RBFOX1: variants seen among roughly 807,000 people sequenced by gnomAD.
The protein encoded by RBFOX1 is RNA binding fox-1 homolog 1.
RBFOX1 carries 8 observed loss-of-function variants against 57.7 expected under a neutral mutation model. That is an observed-to-expected ratio of 0.14 (90% confidence interval 0.08 to 0.25). RBFOX1 has a LOEUF of 0.25. RBFOX1 is among the 10% of genes least tolerant of loss of function. The pLI is 1.00. For synonymous variants in RBFOX1, 326 were observed against 222.4 expected (o/e 1.47, Z -4.15); for missense variants, 611 against 548.5 (o/e 1.11, Z -1.14).
intron 3 of RBFOX1, among the ~76,000 whole-genome samples, chr16:6,680,975 C>G (rs1300939257): frequency 6.6e-6 from 1 of 152,064 alleles, no homozygotes; most frequent in Non-Finnish European, 1.5e-5. Flanking sequence ...TAACATAGTT[C>G]GTAGAAAACT....
intron 4 of RBFOX1, among the ~76,000 whole-genome samples, chr16:7,317,932 T>C (rs2096474687): frequency 6.6e-6 from 1 of 152,294 alleles, no homozygotes; most frequent in Admixed American, 6.5e-5. Flanking sequence ...AGGAGCTCAA[T>C]ACATACTTCT....
intron 4 of RBFOX1, among the ~76,000 whole-genome samples, chr16:7,317,430 A>T (rs570838518): frequency 6.6e-6 from 1 of 152,112 alleles, no homozygotes; most frequent in South Asian, 2.1e-4. Context: ...TACCATCACC[A>T]CCACTATCAC....
intron 3 of RBFOX1, among the ~76,000 whole-genome samples, chr16:6,953,032 A>T (rs368179805): frequency 6.6e-6 from 1 of 152,164 alleles, no homozygotes; most frequent in South Asian, 2.1e-4. Context: ...CTGGCAATGT[A>T]TATTAAGCAT....
chr16:7,510,052 C>T, intron 4 of RBFOX1: 1 of 698,452 alleles, frequency 1.4e-6, no homozygotes, highest in Non-Finnish European at 1.8e-6. Flanking sequence ...AGAGGAGGAG[C>T]AAGCTGTGAT....
chr16:7,120,571 C>G (rs192042086), intron 4 of RBFOX1, among the ~76,000 whole-genome samples: 5 of 151,714 alleles, frequency 3.3e-5, no homozygotes, highest in Non-Finnish European at 4.4e-5. Context: ...ATTACCAAAA[C>G]TTATTCAAAA....
chr16:7,583,252 A>C (rs2093914607), intron 6 of RBFOX1, among the ~76,000 whole-genome samples: 1 of 151,246 alleles, frequency 6.6e-6, no homozygotes, highest in African/African-American at 2.4e-5. Context: ...ATACCGGTTG[A>C]GGTTCAAGGG....
At chr16:7,500,467 C>G (rs952891753) in intron 4 of RBFOX1, among the ~76,000 whole-genome samples, 2 of 152,126 alleles carry the variant, frequency 1.3e-5, no homozygotes. Context: ...TCTTATTCCC[C>G]CATAAAAGTT....
At chr16:5,835,385 G>T (rs956892992) in intron 3 of RBFOX1, among the ~76,000 whole-genome samples, 1 of 152,238 alleles carries the variant, frequency 6.6e-6, no homozygotes, top group African/African-American at 2.4e-5. Flanking sequence ...GTAGAAAACG[G>T]TGCTACACAT....
chr16:5,891,430 C>A (rs971047061), intron 4 of RBFOX1, among the ~76,000 whole-genome samples: 4 of 152,226 alleles, frequency 2.6e-5, no homozygotes, highest in African/African-American at 9.6e-5. Flanking sequence ...TAATTTACAT[C>A]TTTTAATAAC....
intron 2 of RBFOX1, among the ~76,000 whole-genome samples, chr16:5,523,075 C>G (rs930527145): frequency 1.3e-5 from 2 of 152,082 alleles, no homozygotes; most frequent in African/African-American, 4.8e-5. Context: ...ATCACAAGGT[C>G]AGGAGTTCGA....
At chr16:5,454,958 C>CCTTT (rs1169954657) in intron 1 of RBFOX1, among the ~76,000 whole-genome samples, 1,108 of 30,296 alleles carry the variant, frequency 0.037, 72 homozygotes, top group Middle Eastern at 0.12. Flanking sequence ...TTCCTTCCTT[C>CCTTT]CTTTCTTTCT....
chr16:7,183,904 G>A (rs555622358), intron 4 of RBFOX1, among the ~76,000 whole-genome samples: 5 of 152,156 alleles, frequency 3.3e-5, no homozygotes, highest in Admixed American at 6.5e-5. Flanking sequence ...GTAGTTTAAA[G>A]GGGATAGATG....
rs1374796895 is a variant in RBFOX1, at chr16:5,946,608, G to A, written c.351+79273G>A. ...TATCCTTTACGATATACCGGTAATAGTAATTTCCTAAATTCTGTGAGCCGT... is the reference window on the plus strand; with the variant it reads ...TATCCTTTACGATATACCGGTAATAATAATTTCCTAAATTCTGTGAGCCGT... On this transcript the variant is annotated intron_variant, in intron 4 of 19. Coordinates refer to the RBFOX1 transcript ENST00000641259. The surrounding 1 kb of genome is among the most constrained non-coding windows in gnomAD (Gnocchi z 4.6). Among the ~76,000 whole-genome samples the A allele has an allele frequency of 6.6e-6, 1 of 152,126 alleles. No individual in the cohort carries two copies. Among genetic ancestry groups the A allele is most frequent in the Non-Finnish European group, 1.5e-5 (1 of 68,034 alleles).
chr16:6,179,427 C>T (rs1296208135), intron 1 of RBFOX1, among the ~76,000 whole-genome samples: 1 of 152,096 alleles, frequency 6.6e-6, no homozygotes, highest in Non-Finnish European at 1.5e-5. Flanking sequence ...TAGAAAAACT[C>T]GAAGTACTGG....
intron 1 of RBFOX1, among the ~76,000 whole-genome samples, chr16:5,300,911 T>C (rs560287742): frequency 7.2e-5 from 11 of 152,236 alleles, no homozygotes; most frequent in Non-Finnish European, 1.3e-4. Context: ...TTTGTGTGTT[T>C]CTTTCTGTCT....
At chr16:5,677,192 A>T (rs542748268) in intron 3 of RBFOX1, among the ~76,000 whole-genome samples, 1 of 152,196 alleles carries the variant, frequency 6.6e-6, no homozygotes, top group African/African-American at 2.4e-5. Context: ...CTCTTGCTCT[A>T]TCTTTCTAAA....
At chr16:5,458,920 A>C (rs1475291734) in intron 1 of RBFOX1, among the ~76,000 whole-genome samples, 2 of 152,216 alleles carry the variant, frequency 1.3e-5, no homozygotes, top group African/African-American at 4.8e-5. Flanking sequence ...GTCTTGTGGC[A>C]GAAGCCAAGA....
chr16:7,664,567 T>C (rs2068673522), intron 12 of RBFOX1, among the ~76,000 whole-genome samples: 1 of 152,116 alleles, frequency 6.6e-6, no homozygotes, highest in African/African-American at 2.4e-5. Context: ...GGCTATGTGG[T>C]TTGATTGCCA....
At chr16:6,024,396 T>A (rs2095145496) in intron 1 of RBFOX1, among the ~76,000 whole-genome samples, 1 of 152,148 alleles carries the variant, frequency 6.6e-6, no homozygotes, top group African/African-American at 2.4e-5. Context: ...GGGGGGACAT[T>A]CCAGAGAGGA....
Sources: allele counts gnomAD v4.1 joint callset (sites outside exome capture counted in the v4.1 genomes callset), GRCh38; gene constraint gnomAD v4.1.1; non-coding constraint Gnocchi (gnomAD v3.1); transcripts MANE v1.5; gene names NCBI Gene and HGNC (gene_info 2026-07-23, HGNC 2026-07-21).